The following SLC7A9 variants were observed in gnomAD, a reference collection of about 807,000 sequenced individuals.
The protein encoded by SLC7A9 is solute carrier family 7 member 9.
In SLC7A9, 38 loss-of-function variants were observed where a neutral mutation model predicts 54.1. The ratio of observed to expected loss-of-function variants is 0.70; its 90% CI spans 0.54 to 0.92. The LOEUF is 0.92. Among genes scored for constraint, SLC7A9 ranks in the 40% least tolerant of loss-of-function variants. The pLI, the probability that SLC7A9 is intolerant of heterozygous loss-of-function variation, is 0.00. For missense variants in SLC7A9, 537 were observed against 636.1 expected (o/e 0.84, Z 1.68); for synonymous variants, 264 against 258.9 (o/e 1.02, Z -0.19).
intron 11 of SLC7A9, among the ~76,000 whole-genome samples, chr19:32,837,818 T>C (rs1177172420): frequency 1.3e-5 from 2 of 152,178 alleles, no homozygotes; most frequent in Non-Finnish European, 2.9e-5. Flanking sequence ...TTGTCAAAAG[T>C]TTATACTACA....
chr19:32,838,346 G>T (rs933429473), intron 11 of SLC7A9, among the ~76,000 whole-genome samples: 1 of 151,274 alleles, frequency 6.6e-6, no homozygotes, highest in Non-Finnish European at 1.5e-5. Flanking sequence ...TTTTTGTTCT[G>T]AGAGTTACTG....
At chr19:32,869,415 G>A (rs778656596) in intron 1 of SLC7A9, among the ~76,000 whole-genome samples, 2 of 151,910 alleles carry the variant, frequency 1.3e-5, no homozygotes, top group Non-Finnish European at 2.9e-5. Flanking sequence ...TTATAAAGAC[G>A]GGAGTGTTGC....
At position 32,844,857 on chromosome 19, in the gene SLC7A9, C is replaced by CAAAAAAAAAAAAAAAAAAAAAAAAAAA. The variant is rs386388892; in HGVS notation, c.978-907_978-906insTTTTTTTTTTTTTTTTTTTTTTTTTTT. Among the ~76,000 whole-genome samples, 16 of 30,314 alleles carry CAAAAAAAAAAAAAAAAAAAAAAAAAAA rather than the reference C, an allele frequency of 5.3e-4. 3 individuals are homozygous for CAAAAAAAAAAAAAAAAAAAAAAAAAAA. The highest frequency in any genetic ancestry group is 9.4e-4 in the Non-Finnish European group (16 of 16,988). 19.9% of individuals were successfully genotyped at this position (30,314 alleles called of 152,430 possible). ...TGGACGACAGAGTGAGAATCCATCT[C>CAAAAAAAAAAAAAAAAAAAAAAAAAAA]AAAAAAAAAAAAAAAAAAAAAAAAA... On this transcript the variant is annotated intron_variant, in intron 9 of 12. Transcript: ENST00000023064.
chr19:32,866,270 G>A (rs73036867), intron 2 of SLC7A9, among the ~76,000 whole-genome samples: 15,315 of 152,116 alleles, frequency 0.1, 1,149 homozygotes, highest in African/African-American at 0.2. Context: ...AGGACAGGGC[G>A]GGGATGGGCT....
rs1172399574 is a variant in SLC7A9, at chr19:32,862,234, C to T, written c.605-17G>A. 1 of 1,595,908 alleles carries T rather than the reference C, an allele frequency of 6.3e-7. No individual in the cohort carries two copies. Among genetic ancestry groups the T allele is most frequent in the African/African-American group, 1.3e-5 (1 of 74,700 alleles). On this transcript the variant is annotated splice_polypyrimidine_tract_variant and intron_variant, in intron 5 of 12. Transcript: ENST00000023064. ...TTGTGTTTCCTGTAATGAAGCCAGA[C>T]AGTGAACGGCGGGTGTCAACCGGGC...
intron 9 of SLC7A9, among the ~76,000 whole-genome samples, chr19:32,847,830 C>A (rs1304037128): frequency 6.6e-6 from 1 of 152,146 alleles, no homozygotes; most frequent in Non-Finnish European, 1.5e-5. Context: ...AGACTAACAG[C>A]GGATCTCTTG....
chr19:32,841,664 T>C (rs1355920946), intron 11 of SLC7A9, among the ~76,000 whole-genome samples: 2 of 152,212 alleles, frequency 1.3e-5, no homozygotes, highest in Non-Finnish European at 2.9e-5. Flanking sequence ...CCCAGCACTT[T>C]GGGAAGCCAA....
chr19:32,850,571 A>C (rs1248062637), intron 9 of SLC7A9, among the ~76,000 whole-genome samples: 2 of 151,958 alleles, frequency 1.3e-5, no homozygotes, highest in East Asian at 3.9e-4. Context: ...CATGGGTAGG[A>C]AGAATCAATA....
At position 32,861,651 on chromosome 19, in the gene SLC7A9, C is replaced by G. The variant is rs967148803; in HGVS notation, c.704+467G>C. Reference sequence around the variant, plus strand: ...ACACAGAGAGACTGTCTCTACAAAGCATAAAAATAAAAAATTATCAGGGCA... The same window carrying G: ...ACACAGAGAGACTGTCTCTACAAAGGATAAAAATAAAAAATTATCAGGGCA... On this transcript the variant is annotated intron_variant, in intron 6 of 12. Transcript: ENST00000023064. Among the ~76,000 whole-genome samples the G allele has an allele frequency of 3.3e-5, 5 of 151,942 alleles. No individual in the cohort carries two copies. The East Asian group carries it at 9.7e-4, about 29-fold the overall frequency.
chr19:32,851,525 G>A (rs1029198216), intron 9 of SLC7A9, among the ~76,000 whole-genome samples: 15 of 149,966 alleles, frequency 1.0e-4, no homozygotes, highest in Non-Finnish European at 1.5e-4. Context: ...GAAACAACAG[G>A]TGCTGGAGAG....
At chr19:32,846,010 A>T (rs1440494201) in intron 9 of SLC7A9, among the ~76,000 whole-genome samples, 2 of 152,200 alleles carry the variant, frequency 1.3e-5, no homozygotes. Context: ...TCTCAAAAAG[A>T]TAAATAAATA....
At chr19:32,839,757 T>C (rs371539769) in intron 11 of SLC7A9, among the ~76,000 whole-genome samples, 1 of 152,140 alleles carries the variant, frequency 6.6e-6, no homozygotes, top group Non-Finnish European at 1.5e-5. Flanking sequence ...GCCAGAATTA[T>C]TTCCTTTCCT....
chr19:32,859,712 C>T (rs1156579237), intron 8 of SLC7A9, 129 bp downstream of exon 8: 14 of 860,760 alleles, frequency 1.6e-5, no homozygotes, highest in Non-Finnish European at 2.5e-5. Flanking sequence ...CCGTGCGTGC[C>T]CAGTCCATGT....
rs554341430 is a variant in SLC7A9 at position 32,862,418 on chromosome 19, G to A, written c.604+43C>T. On this transcript the variant is annotated intron_variant, in intron 5 of 12. Coordinates refer to ENST00000023064, the MANE Select transcript of SLC7A9 (RefSeq NM_014270.5). ...CTGCTCCTGCTCCCAGTGGAAGGGCGTTTGGTGTGTGCCCGTGCAGGGCCC... is the reference window on the plus strand; with the variant it reads ...CTGCTCCTGCTCCCAGTGGAAGGGCATTTGGTGTGTGCCCGTGCAGGGCCC... 2.4e-5 allele frequency: 39 copies of A among 1,611,294 alleles called. No homozygotes were observed. The South Asian group carries it at 2.6e-4, about 11-fold the overall frequency.
At chr19:32,830,737 T>C in intron 12 of SLC7A9, 53 bp from the exon 13 acceptor site, 1 of 1,405,646 alleles carries the variant, frequency 7.1e-7, no homozygotes, top group South Asian at 1.2e-5. Flanking sequence ...ATTCGAAAGT[T>C]TCACTGGAGT....
At chr19:32,840,784 C>T (rs1968105971) in intron 11 of SLC7A9, among the ~76,000 whole-genome samples, 1 of 152,140 alleles carries the variant, frequency 6.6e-6, no homozygotes, top group African/African-American at 2.4e-5. Flanking sequence ...CCTGGGGGTC[C>T]TCTGATCTTC....
In SLC7A9 at chr19:32,842,304, G is replaced by A. The variant is rs776328824; in HGVS notation, c.1088C>T (p.Thr363Met). 1.5e-5 allele frequency: 24 copies of A among 1,613,536 alleles called. No individual in the cohort carries two copies. The highest frequency in any genetic ancestry group is 8.3e-5 in the Admixed American group (5 of 59,990). ...PAIIFYGIIA[T>M]IYIIPGDINS... ...TATGTCACCAGGGATGATATAAATC[G>A]TTGCTATGATACCCTAATAGAAAGA... is the stretch of plus-strand genomic sequence containing the variant. Residue 363 changes from threonine (T) to methionine (M), a missense_variant, in exon 11 of 13, where the codon ACG becomes ATG. Transcript: ENST00000023064.
At chr19:32,832,783 C>A (rs1967842975) in intron 12 of SLC7A9, 2 of 295,964 alleles carry the variant, frequency 6.8e-6, no homozygotes, top group African/African-American at 2.2e-5. Context: ...GTAGTGTGTG[C>A]CTGTGGTCCC....
At chr19:32,866,913 C>A (rs1476852204) in intron 2 of SLC7A9, among the ~76,000 whole-genome samples, 1 of 152,230 alleles carries the variant, frequency 6.6e-6, no homozygotes, top group East Asian at 1.9e-4. Flanking sequence ...CTTTCCTCAT[C>A]CTAGGAGCCT....
Sources: allele counts gnomAD v4.1 joint callset (sites outside exome capture counted in the v4.1 genomes callset), GRCh38; gene constraint gnomAD v4.1.1; transcripts MANE v1.5; gene names NCBI Gene and HGNC (gene_info 2026-07-23, HGNC 2026-07-21).